FAM181A: variants seen among roughly 807,000 people sequenced by gnomAD.
FAM181A encodes family with sequence similarity 181 member A, also known as protein FAM181A.
Under a neutral mutation model 16.3 loss-of-function variants are expected in FAM181A, and 7 were observed. The ratio of observed to expected loss-of-function variants is 0.43; its 90% CI spans 0.24 to 0.81. FAM181A has a LOEUF of 0.81. Ranked by LOEUF, FAM181A falls within the 30% of genes least tolerant of loss-of-function variation. FAM181A has a pLI of 0.24. For missense variants in FAM181A, 349 were observed against 377.5 expected, an observed-to-expected ratio of 0.92 and a Z score of 0.63; for synonymous variants, 183 against 164.9, an observed-to-expected ratio of 1.11 and a Z score of -0.84.
chr14:93,927,416 C>G lies in FAM181A; in HGVS notation c.-126C>G. 1.7e-6 allele frequency: 2 copies of G among 1,172,068 alleles called. No homozygotes were observed. The highest frequency in any genetic ancestry group is 2.2e-6 in the Non-Finnish European group (2 of 929,934). The allele number at this position is 1,172,068 out of a possible 1,614,324, so 72.6% of individuals were successfully genotyped here. Reference sequence around the variant, plus strand: ...CTGTCCCAGGTCTGCAGTGGGGAACCTGCCGGGCCACGTTGGTGGGGCCTG... The same window carrying G: ...CTGTCCCAGGTCTGCAGTGGGGAACGTGCCGGGCCACGTTGGTGGGGCCTG... On this transcript the variant is annotated 5_prime_UTR_variant, in exon 1 of 2. Transcript: ENST00000556222.
rs771922682 is a variant in FAM181A at position 93,928,968 on chromosome 14, TG to T, written c.688del (p.Ala230HisfsTer43). ...YHGQPIYPGP[L>X]GALPQSPVPS... ...GGACAGCCCATCTATCCGGGCCCCCTGGGGGCACTGCCTCAGAGTCCTGTCC... is the reference window on the plus strand; with the variant it reads ...GGACAGCCCATCTATCCGGGCCCCCTGGGGCACTGCCTCAGAGTCCTGTCC... On this transcript the variant is annotated frameshift_variant, in exon 2 of 2. Transcript: ENST00000556222. LOFTEE classifies it high-confidence loss of function. 1 of 1,613,776 alleles carries T rather than the reference TG, an allele frequency of 6.2e-7. No individual in the cohort carries two copies. The highest frequency in any genetic ancestry group is 8.5e-7 in the Non-Finnish European group (1 of 1,179,914).
chr14:93,920,842 G>A (rs1216782953), intron 1 of FAM181A, among the ~76,000 whole-genome samples: 6 of 152,158 alleles, frequency 3.9e-5, no homozygotes, highest in Non-Finnish European at 8.8e-5. Flanking sequence ...CATCCCTCCT[G>A]AGACTCCACA....
upstream of FAM181A, chr14:93,925,240 G>C (rs747378941): frequency 3.1e-6 from 5 of 1,605,644 alleles, no homozygotes; most frequent in African/African-American, 6.7e-5. Context: ...AAGGAAGCTG[G>C]GAGCTGAGCT....
chr14:93,920,742 G>A lies in FAM181A; in HGVS notation c.-225+1748G>A, dbSNP rs79084718. 5.1e-3 allele frequency among the ~76,000 whole-genome samples: 783 copies of A among 152,308 alleles called. 8 individuals are homozygous for A. The highest frequency in any genetic ancestry group is 0.018 in the African/African-American group (748 of 41,562). On this transcript the variant is annotated intron_variant, in intron 1 of 2. Transcript: ENST00000267594. Reference sequence around the variant, plus strand: ...AGCTACATCATATCCCATGGTGAAAGACCAAAAGCTTTTCCCCTAAAATCA... The same window carrying A: ...AGCTACATCATATCCCATGGTGAAAAACCAAAAGCTTTTCCCCTAAAATCA...
chr14:93,928,926 G>A lies in FAM181A; in HGVS notation c.641G>A (p.Cys214Tyr). 2 of 1,614,136 alleles carry A rather than the reference G, an allele frequency of 1.2e-6. No individual in the cohort carries two copies. The highest frequency in any genetic ancestry group is 2.2e-5 in the South Asian group (2 of 91,088). The stretch of plus-strand genomic sequence containing the variant: ...GGCCGCGTCAATGCCTGGAGTTGCT[G>A]CCCCTTCCAGTACCATGGACAGCCC... ...LVGRVNAWSC[C>Y]PFQYHGQPIY... is the part of the protein sequence containing the mutation. The change falls in exon 2 of 2, where the codon TGC becomes TAC. Residue 214 changes from cysteine to tyrosine, a missense_variant. Coordinates refer to ENST00000556222, the MANE Select transcript of FAM181A (RefSeq NM_001207073.2).
chr14:93,926,502 C>T (rs1386181857), upstream of FAM181A: 1 of 152,252 alleles, frequency 6.6e-6, no homozygotes, highest in African/African-American at 2.4e-5. The surrounding 1 kb of genome is among the most constrained non-coding windows in gnomAD (Gnocchi z 5.2). Flanking sequence ...ACCTCTTTCT[C>T]CATCATGACG....
In FAM181A at chr14:93,927,376, C is replaced by T. The variant is rs781009657; in HGVS notation, c.-166C>T. ...TGCTTCCAGCCGGACGGAGCTCGGC[C>T]GGCTGCGCCGGGGCCTGTCCCAGGT... On this transcript the variant is annotated 5_prime_UTR_variant, in exon 1 of 2. Transcript: ENST00000556222. The T allele has an allele frequency of 2.9e-5, 33 of 1,133,662 alleles. No homozygotes were observed. Among genetic ancestry groups the T allele is most frequent in the South Asian group, 7.3e-5 (4 of 55,012 alleles). 70.2% of individuals were successfully genotyped at this position (1,133,662 alleles called of 1,614,324 possible).
upstream of FAM181A, among the ~76,000 whole-genome samples, chr14:93,924,168 C>G (rs1282435501): frequency 3.3e-5 from 5 of 152,204 alleles, no homozygotes; most frequent in Non-Finnish European, 7.3e-5. Flanking sequence ...AGTCAGATTA[C>G]AAAGGGCCTT....
At position 93,928,686 on chromosome 14, in the gene FAM181A, A is replaced by T. The variant is rs1277363007; in HGVS notation, c.401A>T (p.Gln134Leu). The stretch of plus-strand genomic sequence containing the variant: ...GGCCAGGTGCCCATGAGGAAAAGAC[A>T]GCTGCCCGCTTCCTTCTGGGAAGAG... ...QPGQVPMRKR[Q>L]LPASFWEEPR... The change falls in exon 2 of 2, where the codon CAG (glutamine) becomes CTG (leucine). Residue 134 changes from glutamine (Q) to leucine (L), a missense_variant. Coordinates refer to ENST00000556222, the MANE Select transcript of FAM181A (RefSeq NM_001207073.2). 1 of 1,613,932 alleles carries T rather than the reference A, an allele frequency of 6.2e-7. No homozygotes were observed.
rs1291664038 is a variant in FAM181A at position 93,920,290 on chromosome 14, CCTGTAGT to C, written c.-225+1299_-225+1305del. ...AATTAGCTGGATGTGTTGGCGTGAA[CCTGTAGT>C]CTCAGCTACTTGGGACGCTGAGGTG... On this transcript the variant is annotated intron_variant, in intron 1 of 2. Transcript: ENST00000267594. Among the ~76,000 whole-genome samples the C allele has an allele frequency of 1.4e-4, 21 of 152,116 alleles. 1 individual carries two copies. Among genetic ancestry groups the C allele is most frequent in the Non-Finnish European group, 2.9e-5 (2 of 68,028 alleles).
upstream of FAM181A, among the ~76,000 whole-genome samples, chr14:93,925,751 G>A (rs1887882402): frequency 6.6e-6 from 1 of 151,978 alleles, no homozygotes; most frequent in South Asian, 2.1e-4. Flanking sequence ...CCGCAGCAGG[G>A]TAGGGGCATG....
At chr14:93,924,713 C>T (rs1887838547), upstream of FAM181A, among the ~76,000 whole-genome samples, 1 of 152,230 alleles carries the variant, frequency 6.6e-6, no homozygotes, top group Non-Finnish European at 1.5e-5. Flanking sequence ...AGCGCTTAGG[C>T]AGCATCTGGT....
At chr14:93,928,065 C>T (rs1887985097) in intron 1 of FAM181A, 134 bp from the exon 2 acceptor site, 2 of 1,394,792 alleles carry the variant, frequency 1.4e-6, no homozygotes, top group Admixed American at 2.2e-5. Context: ...CACCCACATC[C>T]CTCTACCCAG....
intron 1 of FAM181A, among the ~76,000 whole-genome samples, chr14:93,927,857 C>T (rs528596734): frequency 6.6e-6 from 1 of 151,798 alleles, no homozygotes; most frequent in South Asian, 2.1e-4. Context: ...ACGTTGGCAG[C>T]GTGGTGTGTG....
At chr14:93,920,289 A>G (rs1457243585) in intron 1 of FAM181A, among the ~76,000 whole-genome samples, 4 of 152,064 alleles carry the variant, frequency 2.6e-5, no homozygotes, top group African/African-American at 9.7e-5. Flanking sequence ...GTTGGCGTGA[A>G]CCTGTAGTCT....
At chr14:93,919,093 C>T (rs1206689240) in intron 1 of FAM181A, 2 of 152,236 alleles carry the variant, frequency 1.3e-5, no homozygotes, top group Admixed American at 1.3e-4. Flanking sequence ...ACACCACTAC[C>T]ATGTCACTTT....
intron 1 of FAM181A, 69 bp downstream of exon 1, chr14:93,927,523 G>A (rs1043808583): frequency 3.1e-5 from 40 of 1,281,308 alleles, no homozygotes; most frequent in Non-Finnish European, 4.0e-5. Context: ...GGGGCCTGGG[G>A]GAGGGGCGAG....
At chr14:93,927,958 C>G (rs1276358534) in intron 1 of FAM181A, among the ~76,000 whole-genome samples, 1 of 152,124 alleles carries the variant, frequency 6.6e-6, no homozygotes. Flanking sequence ...CTTTCTGAGC[C>G]TTGGCTGCAA....
intron 1 of FAM181A, among the ~76,000 whole-genome samples, chr14:93,920,083 G>T (rs776602189): frequency 1.3e-5 from 2 of 152,116 alleles, no homozygotes; most frequent in Non-Finnish European, 2.9e-5. Context: ...TTCTAGCAAG[G>T]CTGACCAAAA....
Sources: gnomAD v4.1 joint callset for allele counts (sites outside exome capture counted in the v4.1 genomes callset) on GRCh38, gnomAD v4.1.1 for gene constraint, Gnocchi (gnomAD v3.1) non-coding constraint, MANE v1.5 for transcripts, NCBI Gene and HGNC (gene_info 2026-07-23, HGNC 2026-07-21) for gene names.